Variants in MECOM observed in about 807,000 individuals in gnomAD.
MECOM encodes the protein histone-lysine N-methyltransferase MECOM.
MECOM carries 13 observed loss-of-function variants against 116.3 expected under a neutral mutation model. The observed-to-expected ratio is 0.11, with a 90% confidence interval of 0.07 to 0.18. MECOM has a LOEUF of 0.18. Among genes scored for constraint, MECOM ranks in the 10% least tolerant of loss-of-function variants. MECOM has a pLI of 1.00. For missense variants in MECOM, 1,299 were observed against 1,509.0 expected (o/e 0.86, Z 2.31); for synonymous variants, 528 against 535.2 (o/e 0.99, Z 0.19).
At position 169,115,388 on chromosome 3, in the gene MECOM, A is replaced by T; in HGVS notation, c.2484T>A (p.Ile828=). 1 of 1,613,662 alleles carries T rather than the reference A, an allele frequency of 6.2e-7. No individual in the cohort carries two copies. The highest frequency in any genetic ancestry group is 8.5e-7 in the Non-Finnish European group (1 of 1,179,786). The change falls in exon 8 of 17, where the codon ATT becomes ATA. Residue 828 remains isoleucine, a synonymous_variant. Coordinates refer to ENST00000651503, the MANE Select transcript of MECOM (RefSeq NM_004991.4). ...CATCTTCCATACACGCTTACCTGTA[A>T]ATAGGGTCCATAAAGAAAGGAGTGG... ...ARPTPFFMDP[I]YRVEKRKLTD... is the part of the protein sequence containing the mutation.
chr3:169,129,011 T>G (rs1733814748), intron 4 of MECOM, among the ~76,000 whole-genome samples: 2 of 152,194 alleles, frequency 1.3e-5, no homozygotes, highest in Admixed American at 1.3e-4. Flanking sequence ...ATCCCTCTTT[T>G]ATAGACCTAT....
chr3:169,484,119 T>C (rs900952551), intron 1 of MECOM: 6 of 807,762 alleles, frequency 7.4e-6, no homozygotes, highest in Non-Finnish European at 1.2e-5. Context: ...ATTTCTCTAG[T>C]AAACAAAAAG....
At chr3:169,645,914 G>A (rs961817224) in intron 1 of MECOM, among the ~76,000 whole-genome samples, 17 of 152,112 alleles carry the variant, frequency 1.1e-4, no homozygotes, top group African/African-American at 3.9e-4. Flanking sequence ...TGATTTAATT[G>A]GATTGGGGTT....
At chr3:169,185,291 T>C (rs1042092999) in intron 2 of MECOM, among the ~76,000 whole-genome samples, 3 of 152,006 alleles carry the variant, frequency 2.0e-5, no homozygotes, top group Non-Finnish European at 4.4e-5. Flanking sequence ...AGAATAAGGA[T>C]AGCCCAGAAA....
chr3:169,252,941 C>T (rs1756421880), intron 2 of MECOM, among the ~76,000 whole-genome samples: 1 of 152,168 alleles, frequency 6.6e-6, no homozygotes, highest in Admixed American at 6.5e-5. Context: ...AGCCCATGTG[C>T]ATTTCAGTAA....
At chr3:169,442,520 T>C (rs971108416) in intron 1 of MECOM, among the ~76,000 whole-genome samples, 3 of 152,126 alleles carry the variant, frequency 2.0e-5, no homozygotes, top group Non-Finnish European at 4.4e-5. Context: ...AGTATCCCAA[T>C]TAGGTGGGTA....
At chr3:169,460,543 A>G (rs940824518) in intron 1 of MECOM, among the ~76,000 whole-genome samples, 1 of 152,236 alleles carries the variant, frequency 6.6e-6, no homozygotes, top group African/African-American at 2.4e-5. Context: ...AGAGGCAATT[A>G]AATACATTTC....
At chr3:169,650,955 A>T (rs975932132) in intron 1 of MECOM, among the ~76,000 whole-genome samples, 1 of 152,038 alleles carries the variant, frequency 6.6e-6, no homozygotes, top group Admixed American at 6.6e-5. Context: ...TACAGACAAA[A>T]ATCCAAGGTA....
intron 2 of MECOM, among the ~76,000 whole-genome samples, chr3:169,322,956 C>T (rs886240146): frequency 1.5e-5 from 2 of 129,260 alleles, no homozygotes; most frequent in Admixed American, 1.7e-4. Context: ...GCTGAGATTG[C>T]ACCACTACAC....
In MECOM at chr3:169,650,071, C is replaced by T. The variant is rs1774696004; in HGVS notation, c.37+13265G>A. 2.0e-5 allele frequency among the ~76,000 whole-genome samples: 3 copies of T among 152,206 alleles called. No individual in the cohort carries two copies. The South Asian group carries it at 6.2e-4, about 31-fold the overall frequency. On this transcript the variant is annotated intron_variant, in intron 1 of 16. Transcript: ENST00000651503. ...AGAAAACCACTTTTCAGAAGTCTCT[C>T]TATCCTGGTTTATAACTTATAATCA...
chr3:169,252,080 T>C (rs1343384273), intron 2 of MECOM, among the ~76,000 whole-genome samples: 1 of 152,098 alleles, frequency 6.6e-6, no homozygotes, highest in Non-Finnish European at 1.5e-5. Flanking sequence ...AAATGTAAAA[T>C]TACACTATCA....
intron 1 of MECOM, among the ~76,000 whole-genome samples, chr3:169,394,188 C>G (rs1435193399): frequency 6.6e-6 from 1 of 152,062 alleles, no homozygotes; most frequent in Non-Finnish European, 1.5e-5. Flanking sequence ...AACTATGATC[C>G]AACATATGCC....
At chr3:169,485,944 T>TAGATATA (rs1491555135) in intron 1 of MECOM, among the ~76,000 whole-genome samples, 1 of 101,310 alleles carries the variant, frequency 9.9e-6, no homozygotes, top group African/African-American at 4.2e-5. Context: ...TATATATGTA[T>TAGATATA]GTATATATGT....
intron 2 of MECOM, among the ~76,000 whole-genome samples, chr3:169,195,177 C>T (rs979328100): frequency 1.1e-4 from 17 of 152,030 alleles, no homozygotes; most frequent in African/African-American, 1.9e-4. Flanking sequence ...TAGCTAATCC[C>T]GGATCACACC....
intron 2 of MECOM, among the ~76,000 whole-genome samples, chr3:169,165,585 G>T (rs966207284): frequency 2.6e-5 from 4 of 152,084 alleles, no homozygotes; most frequent in African/African-American, 9.7e-5. Context: ...CTGTATACAC[G>T]ATCTTGCAAG....
intron 1 of MECOM, among the ~76,000 whole-genome samples, chr3:169,625,146 C>G (rs1344881339): frequency 6.6e-6 from 1 of 152,038 alleles, no homozygotes; most frequent in Admixed American, 6.5e-5. Context: ...CATAGTGGCC[C>G]AAAGGCAATT....
intron 1 of MECOM, among the ~76,000 whole-genome samples, chr3:169,578,152 G>A (rs984538050): frequency 6.6e-6 from 1 of 152,154 alleles, no homozygotes; most frequent in Non-Finnish European, 1.5e-5. Flanking sequence ...TCATTAACAA[G>A]TATAAAATAA....
At chr3:169,382,338 C>G (rs1447815670) in intron 1 of MECOM, among the ~76,000 whole-genome samples, 1 of 152,044 alleles carries the variant, frequency 6.6e-6, no homozygotes, top group East Asian at 1.9e-4. Context: ...CGGAGCAGCA[C>G]CTGGGGAGGT....
intron 2 of MECOM, among the ~76,000 whole-genome samples, chr3:169,260,542 C>T (rs1313625567): frequency 6.6e-6 from 1 of 151,536 alleles, no homozygotes; most frequent in Non-Finnish European, 1.5e-5. Flanking sequence ...AGTAAGCCTA[C>T]CCCTCTCATT....
Sources: gnomAD v4.1 joint callset for allele counts (sites outside exome capture counted in the v4.1 genomes callset) on GRCh38, gnomAD v4.1.1 for gene constraint, MANE v1.5 for transcripts, NCBI Gene and HGNC (gene_info 2026-07-23, HGNC 2026-07-21) for gene names.